The following PCID2 variants were observed in gnomAD, a reference collection of about 807,000 sequenced individuals.
PCID2 encodes PCI domain-containing protein 2.
A neutral mutation model predicts 61.3 loss-of-function variants in PCID2; 41 were observed. The ratio of observed to expected loss-of-function variants is 0.67; its 90% CI spans 0.52 to 0.87. The LOEUF is 0.87. PCID2 is among the 40% of genes least tolerant of loss of function. The pLI, the probability that PCID2 is intolerant of heterozygous loss-of-function variation, is 0.00. For missense variants in PCID2, 392 were observed against 493.4 expected, an observed-to-expected ratio of 0.79 and a Z score of 1.95; for synonymous variants, 187 against 177.8, an observed-to-expected ratio of 1.05 and a Z score of -0.41.
chr13:113,186,964 C>CT (rs2138742660), intron 7 of PCID2: 1 of 152,338 alleles, frequency 6.6e-6, no homozygotes, highest in African/African-American at 2.4e-5. Flanking sequence ...TATAGAAACA[C>CT]TTAAAATAAT....
the PCID2 span, chr13:113,170,322 G>T: frequency 1.3e-6 from 1 of 794,354 alleles, no homozygotes; most frequent in Non-Finnish European, 2.2e-6. Flanking sequence ...TGGGGGTGGG[G>T]GGGTGGTCCA....
the PCID2 span, chr13:113,170,303 G>A: frequency 3.0e-6 from 2 of 670,236 alleles, no homozygotes; most frequent in Non-Finnish European, 5.4e-6. Flanking sequence ...CTTTGGCGGG[G>A]GGTGGGGGTG....
rs1290803513 is a variant in PCID2, at chr13:113,180,176, T to C, written c.842A>G (p.Glu281Gly). 1 of 1,613,986 alleles carries C rather than the reference T, an allele frequency of 6.2e-7. No homozygotes were observed. Among genetic ancestry groups the C allele is most frequent in the African/African-American group, 1.3e-5 (1 of 75,004 alleles). Residue 281 changes from glutamate to glycine, a missense_variant, in exon 11 of 14, where the codon GAA becomes GGA. This residue lies in a region of PCID2 where 226 missense variants were observed against 296.5 expected (regional missense o/e 0.76). Transcript: ENST00000337344. ...ACTCTACCTCACAGCTCTGGTTACT[T>C]CCGCAAACTGCATCAGGTGATACTT... Reference protein sequence around the residue: ...LKKYHLMQFAEVTRAVSEGNL... With the variant: ...LKKYHLMQFAGVTRAVSEGNL...
the PCID2 span, chr13:113,171,952 CTGGA>C: frequency 6.2e-7 from 1 of 1,613,646 alleles, no homozygotes; most frequent in Admixed American, 1.7e-5. The surrounding 1 kb of genome is among the most constrained non-coding windows in gnomAD (Gnocchi z 5.1). Context: ...CGGCCATGCA[CTGGA>C]TGGATGGAAG....
At chr13:113,171,585 T>C in the PCID2 span, 7 of 1,613,956 alleles carry the variant, frequency 4.3e-6, no homozygotes, top group Non-Finnish European at 5.9e-6. This position sits in a 1 kb window ranked among gnomAD's most constrained non-coding sequence, Gnocchi z 5.1. Context: ...CGATTGTTCA[T>C]GATTTCAGAT....
At chr13:113,208,059 G>A (rs1319049211) in intron 1 of PCID2, 8 of 1,612,778 alleles carry the variant, frequency 5.0e-6, no homozygotes, top group South Asian at 1.1e-5. Context: ...CGCATGTACC[G>A]AGCGATATGA....
the PCID2 span, among the ~76,000 whole-genome samples, chr13:113,171,263 T>C: frequency 6.6e-6 from 1 of 152,226 alleles, no homozygotes; most frequent in East Asian, 1.9e-4. This position sits in a 1 kb window ranked among gnomAD's most constrained non-coding sequence, Gnocchi z 5.1. Context: ...TGAAAACCAC[T>C]TCTCAACAGC....
At chr13:113,189,466 C>T (rs1466159563) in intron 7 of PCID2, among the ~76,000 whole-genome samples, 2 of 152,064 alleles carry the variant, frequency 1.3e-5, no homozygotes, top group East Asian at 3.9e-4. Context: ...AAAACAACTA[C>T]TCTCTGGGAA....
In PCID2 at chr13:113,181,113, G is replaced by C. The variant is rs1566943278; in HGVS notation, c.786+17C>G. On this transcript the variant is annotated intron_variant, in intron 10 of 13. Transcript: ENST00000337344. Reference sequence around the variant, plus strand: ...GAAAGCACCAGGATCTATAAACATGGAGTAATAATCACTCACCAATAGCAT... The same window carrying C: ...GAAAGCACCAGGATCTATAAACATGCAGTAATAATCACTCACCAATAGCAT... The C allele has an allele frequency of 4.1e-6, 6 of 1,480,536 alleles. No homozygotes were observed. The highest frequency in any genetic ancestry group is 5.7e-6 in the Non-Finnish European group (6 of 1,058,044). The allele number at this position is 1,480,536 out of a possible 1,614,324, so 91.7% of individuals were successfully genotyped here. A position where few individuals can be genotyped will look rare whatever the true frequency, so the allele number is the denominator to read the frequency against.
At chr13:113,196,320 C>A in intron 4 of PCID2, 98 bp from the exon 5 acceptor site, 1 of 899,540 alleles carries the variant, frequency 1.1e-6, no homozygotes, top group Non-Finnish European at 1.8e-6. Context: ...ATGTAGATCA[C>A]CCTTGAGCAG....
chr13:113,187,729 C>T (rs2038242796), intron 7 of PCID2: 1 of 151,990 alleles, frequency 6.6e-6, no homozygotes, highest in African/African-American at 2.4e-5. Context: ...TGTAATAATT[C>T]TTTATATATT....
intron 10 of PCID2, 106 bp downstream of exon 10, chr13:113,181,024 A>G: frequency 1.3e-6 from 1 of 749,028 alleles, no homozygotes; most frequent in Non-Finnish European, 2.4e-6. Context: ...TACACAGCTC[A>G]GGCTGTGATC....
At chr13:113,182,702 G>A (rs1042024605) in intron 9 of PCID2, among the ~76,000 whole-genome samples, 1 of 151,940 alleles carries the variant, frequency 6.6e-6, no homozygotes, top group Admixed American at 6.6e-5. Flanking sequence ...GGGTTTCACC[G>A]TGGTCTCGAT....
At chr13:113,175,246 C>T (rs988875178), downstream of PCID2, among the ~76,000 whole-genome samples, 4 of 152,250 alleles carry the variant, frequency 2.6e-5, no homozygotes, top group Non-Finnish European at 5.9e-5. Flanking sequence ...AAGAGGTAAA[C>T]GTAAGGACAC....
intron 3 of PCID2, 32 bp downstream of exon 3, chr13:113,198,159 G>A (rs768153077): frequency 2.9e-6 from 4 of 1,376,096 alleles, no homozygotes; most frequent in African/African-American, 1.5e-5. Context: ...ATTTCCAGAT[G>A]TGTGTGTTTT....
intron 7 of PCID2, 157 bp downstream of exon 7, chr13:113,190,715 A>T (rs1285717554): frequency 1.1e-5 from 5 of 452,174 alleles, no homozygotes; most frequent in African/African-American, 1.0e-4. Flanking sequence ...TTACAAAACA[A>T]TCAACTTTTT....
At chr13:113,198,444 G>A (rs758686641) in intron 2 of PCID2, among the ~76,000 whole-genome samples, 180 bp from the exon 3 acceptor site, 3 of 152,218 alleles carry the variant, frequency 2.0e-5, no homozygotes, top group Non-Finnish European at 4.4e-5. Context: ...GCTCATGCCT[G>A]TAATCCCAGC....
intron 1 of PCID2, among the ~76,000 whole-genome samples, chr13:113,204,038 G>A (rs1341351032): frequency 6.6e-6 from 1 of 152,248 alleles, no homozygotes; most frequent in Non-Finnish European, 1.5e-5. Context: ...TCTGGAGCCT[G>A]CTGGCCAAGC....
chr13:113,198,813 G>A (rs1412889136), intron 2 of PCID2, among the ~76,000 whole-genome samples: 2 of 152,216 alleles, frequency 1.3e-5, no homozygotes, highest in Non-Finnish European at 2.9e-5. Flanking sequence ...CTGCAAGTCA[G>A]AAAATATTCT....
Sources: gnomAD v4.1 joint callset for allele counts (sites outside exome capture counted in the v4.1 genomes callset) on GRCh38, gnomAD v4.1.1 for gene constraint, gnomAD v4.1.1 regional missense constraint, Gnocchi (gnomAD v3.1) non-coding constraint, MANE v1.5 for transcripts, NCBI Gene and HGNC (gene_info 2026-07-23, HGNC 2026-07-21) for gene names.